HERC2: variants seen among roughly 807,000 people sequenced by gnomAD.
The protein encoded by HERC2 is HECT and RLD domain containing E3 ubiquitin protein ligase 2, also known as E3 ubiquitin-protein ligase HERC2.
In HERC2, 102 loss-of-function variants were observed where a neutral mutation model predicts 537.7. The ratio of observed to expected loss-of-function variants is 0.19; its 90% confidence interval spans 0.16 to 0.22. The LOEUF is 0.22. Ranked by LOEUF, HERC2 falls within the 10% of genes least tolerant of loss-of-function variation. The pLI is 1.00. For missense variants in HERC2, 4,236 were observed against 6,198.2 expected (o/e 0.68, Z 10.63); for synonymous variants, 2,224 against 2,466.2 (o/e 0.90, Z 2.91).
intron 2 of HERC2, among the ~76,000 whole-genome samples, chr15:28,314,863 G>GAA (rs11324616): frequency 7.0e-6 from 1 of 142,782 alleles, no homozygotes; most frequent in African/African-American, 2.6e-5. Context: ...TCCCTCTCAG[G>GAA]AAAAAAAAAA....
In HERC2 at chr15:28,202,214, A is replaced by T. The variant is rs201171990; in HGVS notation, c.7516T>A (p.Ser2506Thr). The change falls in exon 47 of 93, where the codon TCC (serine) becomes ACC (threonine). Residue 2506 changes from serine to threonine, a missense_variant. Around this residue, in one of 27 missense-constraint regions of HERC2, gnomAD observed 606 missense variants for 884.5 expected, o/e 0.69. Transcript: ENST00000261609. ...EALVGWLLDHSDIQVTELSDA... is the reference protein window; with the variant it reads ...EALVGWLLDHTDIQVTELSDA... ...GAGAGCTCCGTGACCTGTATGTCGGAGTGGTCCAGCAGCCACCCGACCAAG... is the reference window on the plus strand; with the variant it reads ...GAGAGCTCCGTGACCTGTATGTCGGTGTGGTCCAGCAGCCACCCGACCAAG... 6.2e-5 allele frequency: 99 copies of T among 1,606,882 alleles called. No individual in the cohort carries two copies. The African/African-American group carries it at 1.2e-3, about 20-fold the overall frequency.
intron 23 of HERC2, among the ~76,000 whole-genome samples, chr15:28,244,547 A>G (rs1903470392): frequency 6.6e-6 from 1 of 152,186 alleles, no homozygotes; most frequent in African/African-American, 2.4e-5. Context: ...AGTTCTCTCT[A>G]TGATCAATTA....
At chr15:28,140,228 G>A (rs1011775983) in intron 78 of HERC2, among the ~76,000 whole-genome samples, 3 of 152,078 alleles carry the variant, frequency 2.0e-5, no homozygotes, top group Non-Finnish European at 1.5e-5. Context: ...GGAAGCCTGG[G>A]AACGCTCCAT....
rs1391118973 is a variant in HERC2 at position 28,248,661 on chromosome 15, T to C, written c.3126A>G (p.Gln1042=). The C allele has an allele frequency of 3.1e-6, 5 of 1,613,752 alleles. No individual in the cohort carries two copies. The highest frequency in any genetic ancestry group is 1.1e-5 in the South Asian group (1 of 91,084). ...ATGAAGCAGATCTTTCACGACTGTG[T>C]TGCTCAAAGTCCAGACATGATGAAA... ...RRISSCLDFE[Q]HSRERSASLD... The change falls in exon 21 of 93, where the codon CAA becomes CAG. Residue 1042 remains glutamine (Q), a synonymous_variant. Coordinates refer to ENST00000261609, the MANE Select transcript of HERC2 (RefSeq NM_004667.6).
chr15:28,164,101 G>A (rs531225751), intron 68 of HERC2, among the ~76,000 whole-genome samples: 64 of 152,320 alleles, frequency 4.2e-4, no homozygotes, highest in Non-Finnish European at 7.8e-4. Context: ...CATGGGAACC[G>A]CTGTGACCCT....
intron 14 of HERC2, 56 bp from the exon 15 acceptor site, chr15:28,263,225 T>C (rs1002385021): frequency 1.3e-6 from 2 of 1,560,008 alleles, no homozygotes; most frequent in Non-Finnish European, 1.7e-6. Flanking sequence ...ACGAAAAATT[T>C]TAAATGACTG....
At chr15:28,290,350 C>A (rs1383427585) in intron 4 of HERC2, among the ~76,000 whole-genome samples, 4 of 151,876 alleles carry the variant, frequency 2.6e-5, no homozygotes, top group African/African-American at 9.7e-5. Context: ...GACTAAAGTG[C>A]AGGGGTGCAA....
chr15:28,138,403 A>G (rs572763778), intron 78 of HERC2, among the ~76,000 whole-genome samples: 6 of 152,216 alleles, frequency 3.9e-5, no homozygotes, highest in Non-Finnish European at 7.3e-5. Flanking sequence ...GCTGATGACT[A>G]TATTAGTTGA....
Position 28,212,582 on chromosome 15 carries a change from A to T in HERC2, c.6788T>A (p.Leu2263His), listed in dbSNP as rs745602986. ...RVCPLNQLKP[L>H]PAVAFNVNNL... ...GTTCACATTAAAGGCCACGGCAGGG[A>T]GCTGGAGAGGACACAGAAGCTGTCA... Residue 2263 changes from leucine to histidine, a missense_variant and splice_region_variant, in exon 43 of 93, where the codon CTC becomes CAC. By Grantham distance (99) the Leu-to-His change is moderately conservative (BLOSUM62 -3). This residue lies in a region of HERC2 where 67 missense variants were observed against 140.1 expected (regional missense o/e 0.48). Transcript: ENST00000261609. 1.9e-6 allele frequency: 3 copies of T among 1,607,370 alleles called. No homozygotes were observed. The highest frequency in any genetic ancestry group is 2.7e-5 in the African/African-American group (2 of 74,698).
chr15:28,311,212 C>G (rs1387737250), intron 2 of HERC2, among the ~76,000 whole-genome samples: 3 of 150,922 alleles, frequency 2.0e-5, no homozygotes, highest in Non-Finnish European at 3.0e-5. Context: ...CATTTGTAAT[C>G]CCAGCAGTCT....
At chr15:28,220,216 CAT>C (rs371618943) in intron 37 of HERC2, among the ~76,000 whole-genome samples, 50 of 152,334 alleles carry the variant, frequency 3.3e-4, no homozygotes, top group African/African-American at 9.4e-4. Context: ...CGGGTGCACA[CAT>C]GAGAGTAAAA....
chr15:28,125,282 A>G (rs1889353270), intron 83 of HERC2, 89 bp from the exon 84 acceptor site: 1 of 1,039,528 alleles, frequency 9.6e-7, no homozygotes, highest in Non-Finnish European at 1.5e-6. Context: ...CACAGCACCA[A>G]CGCTCCCTGC....
intron 25 of HERC2, 71 bp from the exon 26 acceptor site, chr15:28,237,184 C>T: frequency 6.8e-7 from 1 of 1,467,042 alleles, no homozygotes; most frequent in South Asian, 1.1e-5. Context: ...AAAAGGACAG[C>T]TCTCTCCTGC....
chr15:28,235,174 C>T (rs1296005149), intron 26 of HERC2, among the ~76,000 whole-genome samples: 5 of 152,028 alleles, frequency 3.3e-5, no homozygotes, highest in Non-Finnish European at 7.4e-5. Flanking sequence ...TTTTAGAGCA[C>T]TCAGGAGCAT....
chr15:28,243,518 C>T (rs1222433312), intron 23 of HERC2, among the ~76,000 whole-genome samples: 1 of 152,142 alleles, frequency 6.6e-6, no homozygotes, highest in Non-Finnish European at 1.5e-5. Context: ...GTAACACTCA[C>T]ATGAATGACT....
At chr15:28,285,506 G>GC (rs1193716087) in intron 4 of HERC2, among the ~76,000 whole-genome samples, 1 of 152,006 alleles carries the variant, frequency 6.6e-6, no homozygotes, top group Non-Finnish European at 1.5e-5. Context: ...GAGAGAAAAT[G>GC]CAAGTACAAT....
At chr15:28,288,240 G>C (rs2076212739) in intron 4 of HERC2, among the ~76,000 whole-genome samples, 1 of 152,150 alleles carries the variant, frequency 6.6e-6, no homozygotes, top group African/African-American at 2.4e-5. Flanking sequence ...TAAAATGTAA[G>C]TTAACATAAA....
intron 2 of HERC2, among the ~76,000 whole-genome samples, chr15:28,307,877 G>C (rs1435060877): frequency 6.6e-6 from 1 of 152,180 alleles, no homozygotes; most frequent in East Asian, 1.9e-4. Context: ...GTGCGGATTT[G>C]TTTCTGGATT....
chr15:28,303,691 T>C (rs528423773), intron 2 of HERC2, among the ~76,000 whole-genome samples: 5 of 152,358 alleles, frequency 3.3e-5, no homozygotes, highest in South Asian at 4.1e-4. Flanking sequence ...ACACGGAGTA[T>C]CTTTTCCTTT....
Sources: allele counts gnomAD v4.1 joint callset (sites outside exome capture counted in the v4.1 genomes callset), GRCh38; gene constraint gnomAD v4.1.1; regional missense constraint gnomAD v4.1.1; transcripts MANE v1.5; gene names NCBI Gene and HGNC (gene_info 2026-07-23, HGNC 2026-07-21).